Variants in WWP2 observed in about 807,000 individuals in gnomAD.
WWP2 encodes the protein WW domain containing E3 ubiquitin protein ligase 2, also known as NEDD4-like E3 ubiquitin-protein ligase WWP2.
WWP2 carries 57 observed loss-of-function variants against 121.0 expected under a neutral mutation model. The observed-to-expected ratio is 0.47, with a 90% CI of 0.38 to 0.59. WWP2 has a LOEUF of 0.59. WWP2 is among the 20% of genes least tolerant of loss of function. The pLI is 0.00. For synonymous variants in WWP2, 449 were observed against 441.3 expected (o/e 1.02, Z -0.22); for missense variants, 962 against 1,158.9 (o/e 0.83, Z 2.47).
chr16:69,768,416 C>T (rs1024992507), intron 1 of WWP2, among the ~76,000 whole-genome samples: 3 of 152,060 alleles, frequency 2.0e-5, no homozygotes, highest in African/African-American at 7.2e-5. Context: ...TAAGACCAGC[C>T]TGGCCAACAT....
chr16:69,884,589 C>T (rs975310057), intron 7 of WWP2, among the ~76,000 whole-genome samples: 2 of 152,176 alleles, frequency 1.3e-5, no homozygotes, highest in Non-Finnish European at 2.9e-5. Context: ...AATTGTGCCA[C>T]TGCACTCCAG....
intron 4 of WWP2, among the ~76,000 whole-genome samples, chr16:69,832,143 GTTTGT>G (rs918322515): frequency 4.1e-4 from 62 of 151,886 alleles, no homozygotes; most frequent in African/African-American, 1.5e-3. Context: ...TTGTTTGTTT[GTTTGT>G]TTTGTTTTGT....
rs544827555 is a variant in WWP2, at chr16:69,920,614, T to A, written c.1179+2731T>A. ...TTTTTGTCTACCTGATTATCCAAAA[T>A]TTCTCATTAAAAAAAAAAAATGGAA... On this transcript the variant is annotated intron_variant, in intron 10 of 23. Transcript: ENST00000359154. Among the ~76,000 whole-genome samples, 119 of 151,264 alleles carry A rather than the reference T, an allele frequency of 7.9e-4. 2 individuals carry two copies. Among genetic ancestry groups the A allele is most frequent in the African/African-American group, 2.9e-3 (119 of 40,958 alleles).
intron 8 of WWP2, among the ~76,000 whole-genome samples, chr16:69,894,398 T>A (rs1224622145): frequency 6.6e-6 from 1 of 152,102 alleles, no homozygotes; most frequent in African/African-American, 2.4e-5. Context: ...CTTTTTGAAA[T>A]ATGCAGCAGA....
chr16:69,925,423 T>A lies in WWP2; in HGVS notation c.1180-7T>A. On this transcript the variant is annotated splice_region_variant and splice_polypyrimidine_tract_variant and intron_variant, in intron 10 of 23. Coordinates refer to ENST00000359154, the MANE Select transcript of WWP2 (RefSeq NM_001270454.2). The surrounding 1 kb of genome is among the most constrained non-coding windows in gnomAD (Gnocchi z 4.0). The stretch of plus-strand genomic sequence containing the variant: ...CCTCTGTGTTCTGCTGTGTTTCTTG[T>A]GTTTAGTCTTCGAGTGCTTCGACTG... 6.2e-7 allele frequency: 1 copy of A among 1,614,076 alleles called. No individual in the cohort carries two copies. Among genetic ancestry groups the A allele is most frequent in the Non-Finnish European group, 8.5e-7 (1 of 1,179,976 alleles).
chr16:69,817,343 G>A (rs2151839474), intron 4 of WWP2, among the ~76,000 whole-genome samples: 1 of 152,230 alleles, frequency 6.6e-6, no homozygotes, highest in Non-Finnish European at 1.5e-5. Context: ...CAACCTCCCA[G>A]GCTCAAGCGA....
At position 69,842,263 on chromosome 16, in the gene WWP2, A is replaced by G. The variant is rs980705759; in HGVS notation, c.575+143A>G. On this transcript the variant is annotated intron_variant, in intron 6 of 23. Transcript: ENST00000359154. ...TTGTAACTGACTCAGTAGTTAAGAAAGCTAATAGAGGAGTCCAGAGCTTAG... is the reference window on the plus strand; with the variant it reads ...TTGTAACTGACTCAGTAGTTAAGAAGGCTAATAGAGGAGTCCAGAGCTTAG... The G allele has an allele frequency of 1.7e-5, 12 of 720,796 alleles. No individual in the cohort carries two copies. The African/African-American group carries it at 2.1e-4, about 13-fold the overall frequency. The allele number at this position is 720,796 out of a possible 1,614,324, so 44.7% of individuals were successfully genotyped here. A position where few individuals can be genotyped will look rare whatever the true frequency, so the allele number is the denominator to read the frequency against.
chr16:69,813,413 C>T (rs1436360837), intron 4 of WWP2, among the ~76,000 whole-genome samples: 4 of 152,136 alleles, frequency 2.6e-5, no homozygotes, highest in Non-Finnish European at 2.9e-5. Flanking sequence ...CCACCTGCCT[C>T]GGCCTCCCAA....
intron 1 of WWP2, chr16:69,776,326 C>T (rs1181607166): frequency 6.6e-6 from 1 of 152,178 alleles, no homozygotes; most frequent in African/African-American, 2.4e-5. Context: ...CTTCCCACAA[C>T]TAGAGCTAGG....
intron 4 of WWP2, among the ~76,000 whole-genome samples, chr16:69,825,827 A>G (rs144139434): frequency 4.1e-4 from 63 of 151,962 alleles, no homozygotes; most frequent in African/African-American, 9.7e-4. Flanking sequence ...GGATCTCCCT[A>G]TGTTGCCCAG....
intron 2 of WWP2, among the ~76,000 whole-genome samples, chr16:69,791,405 T>G (rs1331692743): frequency 6.6e-6 from 1 of 152,060 alleles, no homozygotes; most frequent in Admixed American, 6.6e-5. Context: ...TTTTCGTATT[T>G]TTAGTAGAGA....
chr16:69,907,569 T>A (rs2058313523), intron 8 of WWP2, among the ~76,000 whole-genome samples: 1 of 152,184 alleles, frequency 6.6e-6, no homozygotes, highest in South Asian at 2.1e-4. Context: ...ATAAATACAT[T>A]TTTGCATCCT....
intron 9 of WWP2, among the ~76,000 whole-genome samples, chr16:69,915,221 A>G (rs57869957): frequency 0.086 from 13,137 of 152,270 alleles, 1,879 homozygotes; most frequent in African/African-American, 0.3. Context: ...AAAAAAGAAA[A>G]AAGTTGTTAC....
chr16:69,784,734 G>A (rs1373487064), intron 1 of WWP2, among the ~76,000 whole-genome samples: 1 of 152,112 alleles, frequency 6.6e-6, no homozygotes, highest in Non-Finnish European at 1.5e-5. Flanking sequence ...TTGGGAAAAA[G>A]CACGGTTGTT....
At chr16:69,829,348 C>T (rs1048069384) in intron 4 of WWP2, among the ~76,000 whole-genome samples, 1 of 152,268 alleles carries the variant, frequency 6.6e-6, no homozygotes, top group Admixed American at 6.5e-5. Context: ...GTTAAAAAAC[C>T]CTTTAGCACT....
At position 69,940,030 on chromosome 16, in the gene WWP2, G is replaced by GC. The variant is rs2058858932; in HGVS notation, c.*95dup. ...CCACTGGCCCCGCAGCCCTTGGGAG[G>GC]CCCCCGTGGATGTGGCCCTGTGTGG... On this transcript the variant is annotated 3_prime_UTR_variant, in exon 24 of 24. Transcript: ENST00000359154. 5.5e-6 allele frequency: 6 copies of GC among 1,094,178 alleles called. No homozygotes were observed. Among genetic ancestry groups the GC allele is most frequent in the South Asian group, 3.1e-5 (2 of 65,536 alleles). The allele number at this position is 1,094,178 out of a possible 1,614,324, so 67.8% of individuals were successfully genotyped here.
intron 2 of WWP2, among the ~76,000 whole-genome samples, chr16:69,793,338 C>T (rs1421009649): frequency 6.6e-6 from 1 of 151,944 alleles, no homozygotes; most frequent in African/African-American, 2.4e-5. Flanking sequence ...GGTGACAGAG[C>T]AAGACTCCAT....
chr16:69,842,253 T>A, intron 6 of WWP2, 133 bp downstream of exon 6: 1 of 827,440 alleles, frequency 1.2e-6, no homozygotes, highest in Non-Finnish European at 1.9e-6. Flanking sequence ...ACTGACTCAG[T>A]AGTTAAGAAA....
At chr16:69,815,636 A>G (rs2056474733) in intron 4 of WWP2, among the ~76,000 whole-genome samples, 1 of 151,720 alleles carries the variant, frequency 6.6e-6, no homozygotes, top group African/African-American at 2.4e-5. Context: ...AAAATACACA[A>G]ATTAGCCGGG....
Sources: allele counts gnomAD v4.1 joint callset (sites outside exome capture counted in the v4.1 genomes callset), GRCh38; gene constraint gnomAD v4.1.1; non-coding constraint Gnocchi (gnomAD v3.1); transcripts MANE v1.5; gene names NCBI Gene and HGNC (gene_info 2026-07-23, HGNC 2026-07-21).